SLIT3: variants seen among roughly 807,000 people sequenced by gnomAD.
SLIT3 encodes slit homolog 3 protein.
SLIT3 carries 68 observed loss-of-function variants against 184.0 expected under a neutral mutation model. That is an observed-to-expected ratio of 0.37 (90% CI 0.30 to 0.45). The LOEUF (loss-of-function observed/expected upper bound fraction) is 0.45. Among genes scored for constraint, SLIT3 ranks in the 20% least tolerant of loss-of-function variants. The pLI is 1.00. For synonymous variants in SLIT3, 831 were observed against 828.6 expected, an observed-to-expected ratio of 1.00 and a Z score of -0.05; for missense variants, 1,707 against 2,026.0, an observed-to-expected ratio of 0.84 and a Z score of 3.02.
chr5:168,798,698 G>A (rs1195218036), intron 9 of SLIT3, among the ~76,000 whole-genome samples: 1 of 152,110 alleles, frequency 6.6e-6, no homozygotes, highest in Admixed American at 6.6e-5. Flanking sequence ...AACAGTTTGT[G>A]TACCTTCAAT....
At chr5:169,022,623 A>G (rs1490173486) in intron 4 of SLIT3, 1 of 152,214 alleles carries the variant, frequency 6.6e-6, no homozygotes, top group Admixed American at 6.5e-5. Context: ...TGAAAACTCA[A>G]GAAAGGTTGA....
intron 3 of SLIT3, among the ~76,000 whole-genome samples, chr5:169,207,416 C>CAT (rs59792125): frequency 2.0e-5 from 3 of 147,500 alleles, no homozygotes; most frequent in African/African-American, 7.5e-5. Context: ...CACACACACA[C>CAT]GGCACCAAGT....
At chr5:168,924,262 G>C (rs1162011909) in intron 4 of SLIT3, among the ~76,000 whole-genome samples, 4 of 152,142 alleles carry the variant, frequency 2.6e-5, no homozygotes, top group Admixed American at 2.6e-4. Flanking sequence ...ATGTGTTTCT[G>C]GGGCACAGAC....
chr5:169,101,277 C>T (rs1760002504), intron 4 of SLIT3, among the ~76,000 whole-genome samples: 1 of 152,214 alleles, frequency 6.6e-6, no homozygotes, highest in African/African-American at 2.4e-5. Flanking sequence ...AAGGTCATTA[C>T]TGGTCCCTTG....
chr5:168,773,716 A>G (rs558383261), intron 13 of SLIT3, among the ~76,000 whole-genome samples: 10 of 152,302 alleles, frequency 6.6e-5, no homozygotes, highest in Admixed American at 6.5e-4. Flanking sequence ...CCTGTAGTGC[A>G]TGGAAGTGAG....
chr5:169,153,795 A>T (rs1207309024), intron 4 of SLIT3, among the ~76,000 whole-genome samples: 1 of 152,172 alleles, frequency 6.6e-6, no homozygotes, highest in Non-Finnish European at 1.5e-5. Context: ...TTTTGCCTTC[A>T]GTGTGGAGTC....
At chr5:169,083,158 C>A (rs751508140) in intron 4 of SLIT3, among the ~76,000 whole-genome samples, 1 of 152,178 alleles carries the variant, frequency 6.6e-6, no homozygotes, top group African/African-American at 2.4e-5. Flanking sequence ...AGGTCTCAAA[C>A]CAAACTAATT....
At chr5:168,908,311 C>T (rs189317868) in intron 4 of SLIT3, among the ~76,000 whole-genome samples, 4 of 152,124 alleles carry the variant, frequency 2.6e-5, no homozygotes, top group East Asian at 1.9e-4. Flanking sequence ...TCACCTGGGT[C>T]GTCCTGACCT....
chr5:168,863,971 C>T (rs1183124181), intron 5 of SLIT3, among the ~76,000 whole-genome samples: 1 of 150,766 alleles, frequency 6.6e-6, no homozygotes, highest in East Asian at 2.0e-4. Flanking sequence ...GTAATTTCAG[C>T]ACTTTGGAAG....
At chr5:169,012,227 CTGTG>C (rs1221062065) in intron 4 of SLIT3, 2 of 152,170 alleles carry the variant, frequency 1.3e-5, no homozygotes, top group African/African-American at 2.4e-5. Context: ...CCTGTGATAA[CTGTG>C]TGTATTTCCT....
At chr5:169,036,504 A>G (rs893582473) in intron 4 of SLIT3, 11 of 152,318 alleles carry the variant, frequency 7.2e-5, no homozygotes, top group African/African-American at 2.6e-4. Context: ...AGCAGTGGAA[A>G]ACCTACCTCC....
chr5:168,760,329 T>G (rs575349920), intron 16 of SLIT3, among the ~76,000 whole-genome samples: 1 of 152,158 alleles, frequency 6.6e-6, no homozygotes, highest in Non-Finnish European at 1.5e-5. Flanking sequence ...GAAGCCAACA[T>G]AGGCAAGTGG....
At chr5:168,773,901 G>A (rs564768189) in intron 13 of SLIT3, among the ~76,000 whole-genome samples, 4 of 152,136 alleles carry the variant, frequency 2.6e-5, no homozygotes, top group Non-Finnish European at 5.9e-5. Flanking sequence ...TTCAAAACCT[G>A]CTCCTTACTA....
At chr5:168,773,291 AT>A (rs1489176421) in intron 13 of SLIT3, among the ~76,000 whole-genome samples, 1 of 152,164 alleles carries the variant, frequency 6.6e-6, no homozygotes, top group Non-Finnish European at 1.5e-5. Context: ...GGTAGAATGC[AT>A]TTTATTTCTC....
intron 4 of SLIT3, among the ~76,000 whole-genome samples, chr5:168,901,521 G>A (rs1032839021): frequency 6.6e-6 from 1 of 152,164 alleles, no homozygotes; most frequent in Non-Finnish European, 1.5e-5. Flanking sequence ...CATGATTAGG[G>A]AAGAGGACCA....
chr5:168,796,439 T>A lies in SLIT3; in HGVS notation c.936-861A>T, dbSNP rs370566557. On this transcript the variant is annotated intron_variant, in intron 9 of 35. Coordinates refer to ENST00000519560, the MANE Select transcript of SLIT3 (RefSeq NM_003062.4). ...ATGTGGGGGAGGTGGGGCGCTCTAT[T>A]CGGGGTGATGAATGGCACCCTGGCC... 1.3e-4 allele frequency among the ~76,000 whole-genome samples: 20 copies of A among 152,218 alleles called. No homozygotes were observed. In the South Asian group the frequency reaches 4.2e-3, roughly 32 times the overall value.
chr5:169,006,605 T>TCTCTCA (rs899753279), intron 4 of SLIT3, among the ~76,000 whole-genome samples: 81 of 145,882 alleles, frequency 5.6e-4, no homozygotes, highest in African/African-American at 1.6e-3. Flanking sequence ...TCTCTCTCTC[T>TCTCTCA]CACACACACA....
intron 5 of SLIT3, among the ~76,000 whole-genome samples, chr5:168,851,974 G>A (rs1446344619): frequency 6.6e-6 from 1 of 152,212 alleles, no homozygotes; most frequent in African/African-American, 2.4e-5. Context: ...AGCCTTGAAA[G>A]TCACTGAAAC....
chr5:168,818,812 G>A (rs955017674), intron 7 of SLIT3, among the ~76,000 whole-genome samples: 1 of 152,220 alleles, frequency 6.6e-6, no homozygotes, highest in Non-Finnish European at 1.5e-5. Context: ...TGCCAGCAGG[G>A]CCTTCCTGCC....
Sources: allele counts gnomAD v4.1 joint callset (sites outside exome capture counted in the v4.1 genomes callset), GRCh38; gene constraint gnomAD v4.1.1; transcripts MANE v1.5; gene names NCBI Gene and HGNC (gene_info 2026-07-23, HGNC 2026-07-21).